C16orf74: variants seen among roughly 807,000 people sequenced by gnomAD.
The protein encoded by C16orf74 is calcimembrin.
A neutral mutation model predicts 6.5 loss-of-function variants in C16orf74; 10 were observed. The ratio of observed to expected loss-of-function variants is 1.54; its 90% CI spans 0.95 to 2.61. The LOEUF (loss-of-function observed/expected upper bound fraction) is 2.61. Ranked by LOEUF, C16orf74 falls within the 30% of genes most tolerant of loss-of-function variation. The pLI is 0.00. For synonymous variants in C16orf74, 60 were observed against 42.5 expected (o/e 1.41, Z -1.60); for missense variants, 141 against 105.9 (o/e 1.33, Z -1.45).
Position 85,723,428 on chromosome 16 carries a change from C to T in C16orf74, c.28+11762G>A, listed in dbSNP as rs539076328. ...CTAAAAAAAAAAAAAAAGTTAAATG[C>T]TTCCTGTTAAAAACAGAGGAAGCAT... On this transcript the variant is annotated intron_variant, in intron 2 of 3. Coordinates refer to ENST00000284245, the MANE Select transcript of C16orf74 (RefSeq NM_206967.3). Among the ~76,000 whole-genome samples, 11 of 151,956 alleles carry T rather than the reference C, an allele frequency of 7.2e-5. No homozygotes were observed. The East Asian group carries it at 7.7e-4, about 11-fold the overall frequency.
intron 2 of C16orf74, among the ~76,000 whole-genome samples, chr16:85,733,727 C>A (rs1378100930): frequency 6.6e-6 from 1 of 152,164 alleles, no homozygotes; most frequent in South Asian, 2.1e-4. Flanking sequence ...ACTCATTCAA[C>A]AAACATCTCC....
intron 1 of C16orf74, among the ~76,000 whole-genome samples, chr16:85,736,551 T>C (rs768813996): frequency 4.0e-5 from 6 of 151,736 alleles, no homozygotes; most frequent in South Asian, 2.1e-4. Context: ...CACCAAGACA[T>C]AGACCGGGGC....
intron 2 of C16orf74, among the ~76,000 whole-genome samples, chr16:85,717,583 G>A (rs2054037674): frequency 6.6e-6 from 1 of 152,158 alleles, no homozygotes. Flanking sequence ...CGGGGCCTAG[G>A]GGGTCCTGAG....
intron 2 of C16orf74, among the ~76,000 whole-genome samples, chr16:85,717,628 C>A (rs1190615460): frequency 6.6e-6 from 1 of 152,164 alleles, no homozygotes; most frequent in Non-Finnish European, 1.5e-5. Context: ...GCTGAGACCA[C>A]TACTTCCAAA....
intron 3 of C16orf74, among the ~76,000 whole-genome samples, chr16:85,708,288 TCCCTGGGGCTCGGACTTTGTAGAGTAA>T (rs1214546255): frequency 2.0e-4 from 31 of 152,132 alleles, no homozygotes; most frequent in African/African-American, 7.5e-4. Context: ...TTCAGGAACC[TCCCTGGGGCTCGGACTTTGTAGAGTAA>T]CCCTGTGTCT....
At chr16:85,746,186 C>T (rs1372803636) in intron 1 of C16orf74, among the ~76,000 whole-genome samples, 1 of 152,024 alleles carries the variant, frequency 6.6e-6, no homozygotes, top group Non-Finnish European at 1.5e-5. Flanking sequence ...CCCGTCTCTA[C>T]TAAAAATACA....
At chr16:85,746,808 G>A (rs961496307) in intron 1 of C16orf74, among the ~76,000 whole-genome samples, 1 of 152,184 alleles carries the variant, frequency 6.6e-6, no homozygotes, top group African/African-American at 2.4e-5. Flanking sequence ...GCAGGCTCAC[G>A]ACACACATGG....
At chr16:85,716,507 G>T (rs1038947555) in intron 2 of C16orf74, among the ~76,000 whole-genome samples, 1 of 140,464 alleles carries the variant, frequency 7.1e-6, no homozygotes, top group Non-Finnish European at 1.6e-5. Flanking sequence ...AGGAGGAAGG[G>T]AGGGAGGAGA....
intron 1 of C16orf74, among the ~76,000 whole-genome samples, chr16:85,737,374 A>C (rs1339514922): frequency 2.0e-5 from 3 of 152,206 alleles, no homozygotes; most frequent in Non-Finnish European, 4.4e-5. Context: ...TGGGCACTGC[A>C]GCCTCCGCAC....
intron 2 of C16orf74, among the ~76,000 whole-genome samples, chr16:85,718,534 A>G (rs1345358608): frequency 1.3e-5 from 2 of 152,190 alleles, no homozygotes; most frequent in African/African-American, 4.8e-5. Context: ...GCTACGGTCC[A>G]CCTGGGCAGT....
rs192521333 is a variant in C16orf74 at position 85,726,781 on chromosome 16, C to T, written c.28+8409G>A. 4.2e-4 allele frequency among the ~76,000 whole-genome samples: 64 copies of T among 152,312 alleles called. 1 individual carries two copies. Among genetic ancestry groups the T allele is most frequent in the Middle Eastern group, 6.8e-3 (2 of 294 alleles). ...AGGGATGGAAACTCCACATTCCCTG[C>T]CTGGCTCCACCTGGCTGCTACCATC... On this transcript the variant is annotated intron_variant, in intron 2 of 3. Transcript: ENST00000284245.
Position 85,724,250 on chromosome 16 carries a change from G to A in C16orf74, c.28+10940C>T, listed in dbSNP as rs1160164884. On this transcript the variant is annotated intron_variant, in intron 2 of 3. Transcript: ENST00000284245. ...CCAGGGAGACCCCCGGTGGGACCGT[G>A]AGTCCCAGCACCTCCCCATCCCTCT... Among the ~76,000 whole-genome samples, 9 of 152,140 alleles carry A rather than the reference G, an allele frequency of 5.9e-5. 1 individual carries two copies.
chr16:85,744,022 C>T (rs2054340966), intron 1 of C16orf74: 1 of 150,948 alleles, frequency 6.6e-6, no homozygotes, highest in African/African-American at 2.4e-5. Context: ...CCACTGCACA[C>T]CAGGCTGAGC....
intron 2 of C16orf74, among the ~76,000 whole-genome samples, chr16:85,731,433 G>T (rs1242297711): frequency 6.6e-6 from 1 of 152,238 alleles, no homozygotes; most frequent in Non-Finnish European, 1.5e-5. Flanking sequence ...CTGGGGGCAT[G>T]GTACAGGAGG....
intron 1 of C16orf74, among the ~76,000 whole-genome samples, chr16:85,739,137 G>A (rs2054276111): frequency 7.0e-6 from 1 of 143,572 alleles, no homozygotes; most frequent in African/African-American, 2.6e-5. Flanking sequence ...CCTTGCCAAG[G>A]GGTCCTGCAG....
In C16orf74 at chr16:85,747,586, C is replaced by G. The variant is rs1327471141; in HGVS notation, c.-19+3340G>C. 3.9e-5 allele frequency among the ~76,000 whole-genome samples: 6 copies of G among 152,118 alleles called. No homozygotes were observed. In the South Asian group the frequency reaches 6.2e-4, roughly 16 times the overall value. On this transcript the variant is annotated intron_variant, in intron 1 of 3. Coordinates refer to ENST00000284245, the MANE Select transcript of C16orf74 (RefSeq NM_206967.3). ...GGTCTCTTTCTTGACCTGGTGCACA[C>G]TTTTGATGTACACTTATTACAATGG...
At chr16:85,740,963 G>A (rs2054300422) in intron 1 of C16orf74, among the ~76,000 whole-genome samples, 1 of 152,128 alleles carries the variant, frequency 6.6e-6, no homozygotes. Flanking sequence ...GGAGAGATGA[G>A]GACACGCGTG....
At chr16:85,711,171 C>T (rs403815) in intron 2 of C16orf74, among the ~76,000 whole-genome samples, 41,789 of 151,484 alleles carry the variant, frequency 0.28, 6,273 homozygotes, top group Middle Eastern at 0.37. Context: ...AAAATTAGCC[C>T]GGTGTGGTGG....
chr16:85,730,981 T>C (rs1208159840), intron 2 of C16orf74, among the ~76,000 whole-genome samples: 1 of 152,180 alleles, frequency 6.6e-6, no homozygotes, highest in African/African-American at 2.4e-5. Context: ...AAATAAAACA[T>C]ATTAAAAGTA....
Sources: allele counts gnomAD v4.1 joint callset (sites outside exome capture counted in the v4.1 genomes callset), GRCh38; gene constraint gnomAD v4.1.1; transcripts MANE v1.5; gene names NCBI Gene and HGNC (gene_info 2026-07-23, HGNC 2026-07-21).